Variants in GAB2 observed in about 807,000 individuals in gnomAD.
The protein encoded by GAB2 is GRB2-associated-binding protein 2.
A neutral mutation model predicts 65.5 loss-of-function variants in GAB2; 26 were observed. That is an observed-to-expected ratio of 0.40 (90% CI 0.29 to 0.55). The LOEUF (loss-of-function observed/expected upper bound fraction) is 0.55. Ranked by LOEUF, GAB2 falls within the 20% of genes least tolerant of loss-of-function variation. The pLI is 0.53. For synonymous variants in GAB2, 321 were observed against 329.6 expected, an observed-to-expected ratio of 0.97 and a Z score of 0.28; for missense variants, 884 against 875.8, an observed-to-expected ratio of 1.01 and a Z score of -0.12.
intron 1 of GAB2, among the ~76,000 whole-genome samples, chr11:78,345,114 T>C (rs948111627): frequency 3.9e-5 from 6 of 152,190 alleles, no homozygotes; most frequent in African/African-American, 1.2e-4. Flanking sequence ...ACCCCGTCTC[T>C]ACTAAAAATA....
intron 2 of GAB2, among the ~76,000 whole-genome samples, chr11:78,262,843 A>G (rs1251536437): frequency 2.6e-5 from 4 of 152,212 alleles, no homozygotes; most frequent in African/African-American, 7.2e-5. Context: ...GCCAAAGCAT[A>G]TTATTACACC....
At chr11:78,344,738 G>C (rs1423595634) in intron 1 of GAB2, among the ~76,000 whole-genome samples, 2 of 152,142 alleles carry the variant, frequency 1.3e-5, no homozygotes, top group African/African-American at 4.8e-5. Flanking sequence ...CATCTTACTT[G>C]TTGGACAGTC....
At chr11:78,224,267 C>T (rs1864555705) in intron 5 of GAB2, among the ~76,000 whole-genome samples, 1 of 152,138 alleles carries the variant, frequency 6.6e-6, no homozygotes, top group African/African-American at 2.4e-5. Flanking sequence ...CTGTGGGTGG[C>T]ATAGTCCATA....
chr11:78,276,905 C>T (rs1866188373), intron 2 of GAB2, among the ~76,000 whole-genome samples: 1 of 152,216 alleles, frequency 6.6e-6, no homozygotes, highest in Admixed American at 6.5e-5. Flanking sequence ...ACAAGCTCCG[C>T]CTCCCAGGTT....
chr11:78,395,458 A>C (rs1339991866), intron 1 of GAB2, among the ~76,000 whole-genome samples: 3 of 152,224 alleles, frequency 2.0e-5, no homozygotes, highest in African/African-American at 4.8e-5. Context: ...TCTCAAAAAC[A>C]AACCAACCAA....
chr11:78,323,211 G>T (rs1855759342), intron 1 of GAB2, among the ~76,000 whole-genome samples: 1 of 152,108 alleles, frequency 6.6e-6, no homozygotes. Flanking sequence ...GTGAATTAAT[G>T]TAGAAACAGA....
intron 1 of GAB2, among the ~76,000 whole-genome samples, chr11:78,388,942 G>A (rs957219759): frequency 6.6e-6 from 1 of 152,208 alleles, no homozygotes; most frequent in African/African-American, 2.4e-5. Flanking sequence ...ATGAACTAGG[G>A]ATGTATTGGT....
Position 78,219,305 on chromosome 11 carries a change from C to T in GAB2, c.1998G>A (p.Gln666=). 2 of 1,613,866 alleles carry T rather than the reference C, an allele frequency of 1.2e-6. No homozygotes were observed. Among genetic ancestry groups the T allele is most frequent in the Non-Finnish European group, 1.7e-6 (2 of 1,179,994 alleles). ...TGGCACCCTTGGAAGGCTCTGAGGA[C>T]TGCCGCACGTCTGTCCACTCCTGCA... is the stretch of plus-strand genomic sequence containing the variant. The part of the protein sequence containing the change: ...NTMQEWTDVR[Q]SSEPSKGAKL Residue 666 remains glutamine (Q), a synonymous_variant, in exon 10 of 10, where the codon CAG becomes CAA. Transcript: ENST00000361507.
intron 1 of GAB2, among the ~76,000 whole-genome samples, chr11:78,386,266 G>T (rs1228757419): frequency 2.0e-5 from 3 of 152,194 alleles, no homozygotes; most frequent in Non-Finnish European, 1.5e-5. Flanking sequence ...CCCCATTCTA[G>T]TTGCTTCTTT....
chr11:78,410,024 C>T (rs1179162620), intron 1 of GAB2, among the ~76,000 whole-genome samples: 1 of 151,902 alleles, frequency 6.6e-6, no homozygotes, highest in Non-Finnish European at 1.5e-5. Context: ...GTAAATAATC[C>T]ATGGTCAAAG....
intron 1 of GAB2, among the ~76,000 whole-genome samples, chr11:78,370,725 A>ATATG (rs1554995540): frequency 1.6e-4 from 24 of 148,898 alleles, no homozygotes; most frequent in Middle Eastern, 3.4e-3. Flanking sequence ...GTGTGTGTGT[A>ATATG]TGTGTGTGTG....
intron 2 of GAB2, among the ~76,000 whole-genome samples, chr11:78,264,984 T>C (rs914600473): frequency 1.3e-5 from 2 of 152,206 alleles, no homozygotes; most frequent in African/African-American, 4.8e-5. Flanking sequence ...TATGTACTTA[T>C]TGTGTACCAA....
chr11:78,352,436 G>C (rs1051896148), intron 1 of GAB2, among the ~76,000 whole-genome samples: 5 of 152,192 alleles, frequency 3.3e-5, no homozygotes, highest in African/African-American at 1.2e-4. Context: ...GCGTGTCTGT[G>C]CCCTGCTTGC....
At chr11:78,257,733 A>G (rs7948424) in intron 2 of GAB2, among the ~76,000 whole-genome samples, 6,668 of 152,206 alleles carry the variant, frequency 0.044, 481 homozygotes, top group African/African-American at 0.15. Flanking sequence ...GACAACAGTG[A>G]CTGTGGTAAG....
chr11:78,332,075 T>C (rs1396694226), intron 1 of GAB2, among the ~76,000 whole-genome samples: 1 of 152,080 alleles, frequency 6.6e-6, no homozygotes, highest in African/African-American at 2.4e-5. Flanking sequence ...CTCTACAAAG[T>C]GGGGAGCCTG....
At chr11:78,350,863 C>T (rs556571969) in intron 1 of GAB2, among the ~76,000 whole-genome samples, 4 of 152,256 alleles carry the variant, frequency 2.6e-5, no homozygotes, top group Admixed American at 2.0e-4. Flanking sequence ...AAGTTGTTTC[C>T]GGTAAGCAAC....
At chr11:78,395,526 G>C (rs1438856301) in intron 1 of GAB2, among the ~76,000 whole-genome samples, 1 of 152,254 alleles carries the variant, frequency 6.6e-6, no homozygotes, top group Non-Finnish European at 1.5e-5. Flanking sequence ...AGTAACAGGA[G>C]TAAGTAAACC....
intron 1 of GAB2, among the ~76,000 whole-genome samples, chr11:78,381,420 G>A (rs576063025): frequency 3.9e-5 from 6 of 152,320 alleles, no homozygotes; most frequent in African/African-American, 1.2e-4. Context: ...CAAAAAAGTA[G>A]TGAACTAGCC....
At chr11:78,381,802 T>C (rs1487250028) in intron 1 of GAB2, among the ~76,000 whole-genome samples, 2 of 152,220 alleles carry the variant, frequency 1.3e-5, no homozygotes, top group South Asian at 4.1e-4. Context: ...AAATATAGTA[T>C]GGATTGTTTC....
Sources: allele counts gnomAD v4.1 joint callset (sites outside exome capture counted in the v4.1 genomes callset), GRCh38; gene constraint gnomAD v4.1.1; transcripts MANE v1.5; gene names NCBI Gene and HGNC (gene_info 2026-07-23, HGNC 2026-07-21).